The following INVS variants were observed in gnomAD, a reference collection of about 807,000 sequenced individuals.
INVS encodes inversin.
INVS carries 86 observed loss-of-function variants against 108.8 expected under a neutral mutation model. That is an observed-to-expected ratio of 0.79 (90% CI 0.66 to 0.95). INVS has a LOEUF of 0.95. Among genes scored for constraint, INVS ranks in the 40% least tolerant of loss-of-function variants. The pLI is 0.00. For missense variants in INVS, 1,169 were observed against 1,297.4 expected, an observed-to-expected ratio of 0.90 and a Z score of 1.52; for synonymous variants, 455 against 473.5, an observed-to-expected ratio of 0.96 and a Z score of 0.51.
intron 3 of INVS, among the ~76,000 whole-genome samples, chr9:100,212,356 T>G (rs1830856726): frequency 6.6e-6 from 1 of 152,214 alleles, no homozygotes. Context: ...CCAATTTATA[T>G]TCTTTGATTT....
intron 14 of INVS, among the ~76,000 whole-genome samples, chr9:100,294,556 C>A (rs1254841635): frequency 6.6e-6 from 1 of 152,172 alleles, no homozygotes; most frequent in East Asian, 1.9e-4. Flanking sequence ...GGAGCAGTAT[C>A]CCCATTTTTC....
chr9:100,244,010 C>T (rs991580006), intron 7 of INVS, among the ~76,000 whole-genome samples: 3 of 151,990 alleles, frequency 2.0e-5, no homozygotes, highest in Non-Finnish European at 4.4e-5. Context: ...GACTTCATCT[C>T]AAAAATAAAT....
chr9:100,249,771 G>C (rs1832165761), intron 8 of INVS, among the ~76,000 whole-genome samples: 1 of 149,520 alleles, frequency 6.7e-6, no homozygotes, highest in South Asian at 2.2e-4. Context: ...TGGGATTACA[G>C]GCATGAGCCA....
intron 10 of INVS, among the ~76,000 whole-genome samples, chr9:100,257,659 A>G (rs1183609281): frequency 6.6e-6 from 1 of 152,108 alleles, no homozygotes; most frequent in Non-Finnish European, 1.5e-5. Context: ...TTTCTCCTTC[A>G]CTTATGAAGC....
At chr9:100,289,006 T>G (rs1177527143) in intron 13 of INVS, among the ~76,000 whole-genome samples, 1 of 152,228 alleles carries the variant, frequency 6.6e-6, no homozygotes, top group African/African-American at 2.4e-5. Flanking sequence ...AGTTTTATTT[T>G]CTAACCCAGC....
chr9:100,228,632 C>T (rs1299852133), intron 4 of INVS, among the ~76,000 whole-genome samples: 2 of 152,078 alleles, frequency 1.3e-5, no homozygotes, highest in Non-Finnish European at 2.9e-5. Flanking sequence ...TTATCAGTAC[C>T]GGATGAACTA....
intron 3 of INVS, among the ~76,000 whole-genome samples, chr9:100,133,338 A>ATG (rs140513551): frequency 0.084 from 12,353 of 146,492 alleles, 810 homozygotes; most frequent in African/African-American, 0.18. Context: ...CCTTTACTTT[A>ATG]TGTGTGTGTG....
chr9:100,141,078 G>A (rs1828412964), intron 3 of INVS, among the ~76,000 whole-genome samples: 1 of 152,194 alleles, frequency 6.6e-6, no homozygotes, highest in African/African-American at 2.4e-5. Flanking sequence ...TAAACCAGCA[G>A]TGTAAACAAG....
At chr9:100,131,608 A>C (rs963947921) in intron 3 of INVS, among the ~76,000 whole-genome samples, 1 of 152,126 alleles carries the variant, frequency 6.6e-6, no homozygotes, top group Non-Finnish European at 1.5e-5. Flanking sequence ...GGAGGCTACT[A>C]TTTCTCTGAC....
At chr9:100,278,056 G>A (rs1478713050) in intron 12 of INVS, among the ~76,000 whole-genome samples, 4 of 151,836 alleles carry the variant, frequency 2.6e-5, no homozygotes, top group Non-Finnish European at 5.9e-5. Flanking sequence ...AAGACATAGT[G>A]AGACCACGTC....
intron 3 of INVS, among the ~76,000 whole-genome samples, chr9:100,193,885 T>C (rs893738673): frequency 6.6e-6 from 1 of 152,222 alleles, no homozygotes; most frequent in Non-Finnish European, 1.5e-5. Context: ...AGTGCTGGGA[T>C]TGCAGGCATG....
intron 5 of INVS, among the ~76,000 whole-genome samples, chr9:100,233,679 T>C (rs1343389561): frequency 6.6e-6 from 1 of 152,198 alleles, no homozygotes; most frequent in East Asian, 1.9e-4. Context: ...CATTTATTGA[T>C]TTGCATATGT....
chr9:100,100,829 AT>A (rs1826888789), intron 1 of INVS, among the ~76,000 whole-genome samples: 2 of 25,504 alleles, frequency 7.8e-5, no homozygotes, highest in Non-Finnish European at 1.2e-4. Context: ...TAATATATGT[AT>A]ATATAATATA....
chr9:100,119,690 T>C (rs1045902599), intron 2 of INVS, among the ~76,000 whole-genome samples: 2 of 152,210 alleles, frequency 1.3e-5, no homozygotes, highest in Admixed American at 6.5e-5. Flanking sequence ...CCCGAGTAGC[T>C]GGGACTACAG....
At chr9:100,273,141 G>C (rs1258393786) in intron 12 of INVS, 65 bp downstream of exon 12, 3 of 1,215,314 alleles carry the variant, frequency 2.5e-6, no homozygotes, top group African/African-American at 1.5e-5. Context: ...GGGGGTGTGG[G>C]GGGTGCTGGG....
At chr9:100,239,836 G>A (rs909362297) in intron 5 of INVS, among the ~76,000 whole-genome samples, 2 of 152,098 alleles carry the variant, frequency 1.3e-5, no homozygotes, top group Non-Finnish European at 2.9e-5. Flanking sequence ...GCCAGGTGTG[G>A]TGGGATGTGC....
intron 12 of INVS, among the ~76,000 whole-genome samples, chr9:100,278,413 A>G (rs1833174018): frequency 6.6e-6 from 1 of 151,958 alleles, no homozygotes. Context: ...ACATCCTCCC[A>G]TAGCCCTATA....
chr9:100,138,348 G>A (rs1210180103), intron 3 of INVS, among the ~76,000 whole-genome samples: 1 of 152,176 alleles, frequency 6.6e-6, no homozygotes, highest in Admixed American at 6.5e-5. Context: ...AGAAGTTGCA[G>A]TGAGCCGAGA....
intron 14 of INVS, among the ~76,000 whole-genome samples, 168 bp downstream of exon 14, chr9:100,293,211 T>G (rs1833681947): frequency 6.6e-6 from 1 of 152,184 alleles, no homozygotes; most frequent in Non-Finnish European, 1.5e-5. Context: ...TAATTTACAT[T>G]GTATAAACCA....
Sources: allele counts gnomAD v4.1 joint callset (sites outside exome capture counted in the v4.1 genomes callset), GRCh38; gene constraint gnomAD v4.1.1; transcripts MANE v1.5; gene names NCBI Gene and HGNC (gene_info 2026-07-23, HGNC 2026-07-21).